The following SLC25A23 variants were observed in gnomAD, a reference collection of about 807,000 sequenced individuals.
SLC25A23 encodes the protein solute carrier family 25 member 23, also known as mitochondrial adenyl nucleotide antiporter SLC25A23.
A neutral mutation model predicts 53.9 loss-of-function variants in SLC25A23; 32 were observed. That is an observed-to-expected ratio of 0.59 (90% CI 0.45 to 0.80). The LOEUF (loss-of-function observed/expected upper bound fraction) is 0.80. Ranked by LOEUF, SLC25A23 falls within the 30% of genes least tolerant of loss-of-function variation. The pLI is 0.00. For missense variants in SLC25A23, 575 were observed against 651.4 expected (o/e 0.88, Z 1.28); for synonymous variants, 275 against 264.5 (o/e 1.04, Z -0.38).
chr19:6,457,477 T>C (rs2092698005), intron 3 of SLC25A23, 26 bp downstream of exon 3: 1 of 1,605,768 alleles, frequency 6.2e-7, no homozygotes, highest in Admixed American at 1.7e-5. Flanking sequence ...TGAGTTACTT[T>C]GGATTCCAGA....
Position 6,456,505 on chromosome 19 carries a change from A to G in SLC25A23, c.398T>C (p.Ile133Thr). The change falls in exon 4 of 10, where the codon ATT (isoleucine) becomes ACT (threonine). Residue 133 changes from isoleucine (I) to threonine (T), a missense_variant. Ile to Thr is a moderately conservative substitution (Grantham distance 89). Coordinates refer to ENST00000301454, the MANE Select transcript of SLC25A23 (RefSeq NM_024103.3). ...HSMDRDGTMT[I>T]DWQEWRDHFL... ...GTGGTCGCGCCATTCTTGCCAGTCA[A>G]TGGTCATTGTGCCGTCTCGGTCCAT... The G allele has an allele frequency of 6.2e-7, 1 of 1,612,992 alleles. No individual in the cohort carries two copies. Among genetic ancestry groups the G allele is most frequent in the Non-Finnish European group, 8.5e-7 (1 of 1,179,664 alleles).
At position 6,446,016 on chromosome 19, in the gene SLC25A23, G is replaced by A. The variant is rs181721618; in HGVS notation, c.1072-1715C>T. 1.6e-3 allele frequency among the ~76,000 whole-genome samples: 238 copies of A among 152,232 alleles called. 2 individuals carry two copies. The highest frequency in any genetic ancestry group is 8.4e-4 in the Non-Finnish European group (57 of 68,016). On this transcript the variant is annotated intron_variant, in intron 8 of 9. Coordinates refer to ENST00000301454, the MANE Select transcript of SLC25A23 (RefSeq NM_024103.3). ...TGCTTGAACCCAGGAATTCAAGGCT[G>A]TAGTGAGCCGTGATGCACTCCAGCC... is the stretch of plus-strand genomic sequence containing the variant.
intron 8 of SLC25A23, among the ~76,000 whole-genome samples, chr19:6,447,426 T>G (rs773466229): frequency 5.3e-5 from 8 of 151,136 alleles, no homozygotes; most frequent in Non-Finnish European, 1.2e-4. Flanking sequence ...CTTCAACCTC[T>G]GGAGTAGCCA....
chr19:6,438,755 AG>A, downstream of SLC25A23: 1 of 322,636 alleles, frequency 3.1e-6, no homozygotes, highest in Non-Finnish European at 6.7e-6. Flanking sequence ...AGGCTGAGGC[AG>A]GAGAATCGCT....
chr19:6,442,205 T>G, intron 9 of SLC25A23, 46 bp from the exon 10 acceptor site: 1 of 1,353,096 alleles, frequency 7.4e-7, no homozygotes, highest in Non-Finnish European at 9.9e-7. Flanking sequence ...ACGTTCCCCT[T>G]TCACTTCCCC....
intron 7 of SLC25A23, chr19:6,452,683 C>T (rs1339299562): frequency 3.7e-6 from 2 of 543,292 alleles, no homozygotes; most frequent in African/African-American, 3.9e-5. Flanking sequence ...ACACATGTGG[C>T]ACCACCAGTA....
chr19:6,450,162 C>T (rs1568369107), intron 8 of SLC25A23, among the ~76,000 whole-genome samples: 2 of 151,622 alleles, frequency 1.3e-5, no homozygotes, highest in Non-Finnish European at 2.9e-5. Context: ...CCGGCCTCTA[C>T]TCATACCTCT....
intron 8 of SLC25A23, 78 bp downstream of exon 8, chr19:6,452,234 C>T: frequency 6.5e-7 from 1 of 1,536,820 alleles, no homozygotes; most frequent in Non-Finnish European, 8.8e-7. Flanking sequence ...CTGAGCCAGC[C>T]CCAGGGGAAG....
At chr19:6,439,667 A>G (rs2092390389), downstream of SLC25A23, among the ~76,000 whole-genome samples, 1 of 150,860 alleles carries the variant, frequency 6.6e-6, no homozygotes, top group African/African-American at 2.4e-5. Flanking sequence ...TGTCTCTCCT[A>G]AAAATACAAA....
intron 2 of SLC25A23, 37 bp from the exon 3 acceptor site, chr19:6,457,627 G>A: frequency 6.3e-7 from 1 of 1,579,780 alleles, no homozygotes; most frequent in Non-Finnish European, 8.7e-7. Context: ...GGATGTGCGT[G>A]TGAGGACACC....
At chr19:6,436,503 G>A (rs1373037533), downstream of SLC25A23, 2 of 455,454 alleles carry the variant, frequency 4.4e-6, no homozygotes, top group Non-Finnish European at 8.8e-6. Flanking sequence ...GGGGGAGAGA[G>A]AGAGAGAGAG....
chr19:6,448,089 G>A (rs2092532294), intron 8 of SLC25A23, among the ~76,000 whole-genome samples: 1 of 152,232 alleles, frequency 6.6e-6, no homozygotes, highest in Non-Finnish European at 1.5e-5. Flanking sequence ...CTGTGCACCT[G>A]AAGACTTTAG....
downstream of SLC25A23, among the ~76,000 whole-genome samples, chr19:6,437,444 T>TA (rs2092340739): frequency 6.6e-6 from 1 of 152,156 alleles, no homozygotes; most frequent in South Asian, 2.1e-4. Context: ...TCTTTGTAGA[T>TA]ATAATCAAAT....
Position 6,452,626 on chromosome 19 carries a change from T to C in SLC25A23, c.904-147A>G, listed in dbSNP as rs2092609232. On this transcript the variant is annotated intron_variant, in intron 7 of 9. Coordinates refer to ENST00000301454, the MANE Select transcript of SLC25A23 (RefSeq NM_024103.3). ...AACCACCTACTCTAGAATCTTCTGC[T>C]ATCCCCAAATCCCTATACCTAGAAA... The C allele has an allele frequency of 4.3e-6, 4 of 932,658 alleles. No individual in the cohort carries two copies. The East Asian group carries it at 8.3e-5, about 19-fold the overall frequency. 57.8% of individuals were successfully genotyped at this position (932,658 alleles called of 1,614,324 possible).
At chr19:6,448,586 T>C (rs1260772793) in intron 8 of SLC25A23, among the ~76,000 whole-genome samples, 2 of 151,886 alleles carry the variant, frequency 1.3e-5, no homozygotes, top group East Asian at 3.9e-4. Flanking sequence ...TTCTCCTGTC[T>C]CAGCCTCCCG....
downstream of SLC25A23, among the ~76,000 whole-genome samples, chr19:6,438,988 C>T (rs2092373237): frequency 6.6e-6 from 1 of 152,108 alleles, no homozygotes; most frequent in Admixed American, 6.6e-5. Flanking sequence ...TGGCAGTGAG[C>T]CGAGATCGTG....
intron 3 of SLC25A23, 150 bp from the exon 4 acceptor site, chr19:6,456,681 C>CT: frequency 1.6e-6 from 1 of 607,992 alleles, no homozygotes; most frequent in Non-Finnish European, 2.9e-6. Flanking sequence ...CCATCATTTT[C>CT]TTTTTTCTTT....
chr19:6,447,591 T>C (rs2092524797), intron 8 of SLC25A23, among the ~76,000 whole-genome samples: 1 of 152,126 alleles, frequency 6.6e-6, no homozygotes, highest in Non-Finnish European at 1.5e-5. Context: ...CAAGTGATTC[T>C]CCTGCATCAG....
At chr19:6,446,304 A>G (rs2092504142) in intron 8 of SLC25A23, among the ~76,000 whole-genome samples, 2 of 151,592 alleles carry the variant, frequency 1.3e-5, no homozygotes. Flanking sequence ...CGGAGGTTGC[A>G]GCGAGGCAAG....
Sources: allele counts gnomAD v4.1 joint callset (sites outside exome capture counted in the v4.1 genomes callset), GRCh38; gene constraint gnomAD v4.1.1; transcripts MANE v1.5; gene names NCBI Gene and HGNC (gene_info 2026-07-23, HGNC 2026-07-21).